Variants in IL1RAPL1 observed in about 807,000 individuals in gnomAD.
IL1RAPL1 encodes interleukin-1 receptor accessory protein-like 1.
In IL1RAPL1, 3 loss-of-function variants were observed where a neutral mutation model predicts 48.4. The ratio of observed to expected loss-of-function variants is 0.06; its 90% CI spans 0.03 to 0.16. The LOEUF is 0.16. Among genes scored for constraint, IL1RAPL1 ranks in the 10% least tolerant of loss-of-function variants. IL1RAPL1 has a pLI of 1.00. For missense variants in IL1RAPL1, 349 were observed against 530.6 expected (o/e 0.66, Z 3.36); for synonymous variants, 185 against 187.7 (o/e 0.99, Z 0.12).
chrX:29,668,962 G>T (rs980806413), intron 6 of IL1RAPL1, among the ~76,000 whole-genome samples: 4 of 111,661 alleles, frequency 3.6e-5, no homozygotes, highest in Non-Finnish European at 7.5e-5. Flanking sequence ...TATAAATTTT[G>T]CTAGTTATAT....
intron 2 of IL1RAPL1, among the ~76,000 whole-genome samples, chrX:29,122,409 T>TCTCTCTCACACA (rs60632925): frequency 1.5e-5 from 1 of 64,569 alleles, no homozygotes; most frequent in African/African-American, 7.8e-5. Context: ...TCTCTCTCTC[T>TCTCTCTCACACA]CACACACACA....
At chrX:29,004,439 A>G (rs1411327839) in intron 2 of IL1RAPL1, among the ~76,000 whole-genome samples, 1 of 111,880 alleles carries the variant, frequency 8.9e-6, no homozygotes, top group African/African-American at 3.3e-5. Flanking sequence ...TGTCTCTTAC[A>G]CTGAGTTTAT....
chrX:28,763,470 C>T (rs1936199478), intron 1 of IL1RAPL1, among the ~76,000 whole-genome samples: 1 of 111,828 alleles, frequency 8.9e-6, no homozygotes, highest in African/African-American at 3.3e-5. Context: ...GCTATGAATA[C>T]ATAGAGTCAC....
At chrX:29,774,505 A>T (rs1346292947) in intron 6 of IL1RAPL1, among the ~76,000 whole-genome samples, 1 of 112,347 alleles carries the variant, frequency 8.9e-6, no homozygotes, top group Admixed American at 9.5e-5. Context: ...ATACACGAAT[A>T]TCATGTTAAC....
At chrX:28,967,186 A>G (rs1369605674) in intron 2 of IL1RAPL1, among the ~76,000 whole-genome samples, 3 of 111,671 alleles carry the variant, frequency 2.7e-5, no homozygotes, top group Non-Finnish European at 5.6e-5. Context: ...TCTACCAAAG[A>G]CAAGGCTCCC....
chrX:29,744,237 T>C (rs1381235372), intron 6 of IL1RAPL1, among the ~76,000 whole-genome samples: 1 of 112,169 alleles, frequency 8.9e-6, no homozygotes, highest in Non-Finnish European at 1.9e-5. Context: ...AGGAGTGCTA[T>C]TGTTTCTTTT....
chrX:29,178,833 C>T (rs1470309988), intron 2 of IL1RAPL1, among the ~76,000 whole-genome samples: 1 of 111,930 alleles, frequency 8.9e-6, no homozygotes, highest in Non-Finnish European at 1.9e-5. Context: ...GTTTTCCCAG[C>T]ACCATTTATT....
intron 6 of IL1RAPL1, among the ~76,000 whole-genome samples, chrX:29,831,860 C>T (rs1274679228): frequency 9.0e-6 from 1 of 111,365 alleles, no homozygotes; most frequent in East Asian, 2.8e-4. Context: ...CCATTATGTC[C>T]CAATATGCAT....
chrX:29,682,966 G>C (rs1926502035), intron 6 of IL1RAPL1, among the ~76,000 whole-genome samples: 2 of 112,007 alleles, frequency 1.8e-5, no homozygotes, highest in South Asian at 3.7e-4. Context: ...GGATATTGAA[G>C]GTCACAACAG....
At position 28,881,224 on chromosome X, in the gene IL1RAPL1, G is replaced by C. The variant is rs73452879; in HGVS notation, c.82+91799G>C. 2.8e-3 allele frequency among the ~76,000 whole-genome samples: 312 copies of C among 111,664 alleles called. 1 individual carries two copies. The highest frequency in any genetic ancestry group is 9.9e-3 in the African/African-American group (304 of 30,746). On this transcript the variant is annotated intron_variant, in intron 2 of 10. Transcript: ENST00000378993. ...TTCCACTCTACTAATTTTGTGTTTT[G>C]CTTTTGGTTTGTTTTCAGCCAGTAA...
intron 1 of IL1RAPL1, among the ~76,000 whole-genome samples, chrX:28,768,755 C>CTCTATATATATATATATA (rs1364972830): frequency 2.9e-5 from 1 of 34,875 alleles, no homozygotes; most frequent in Non-Finnish European, 4.8e-5. Flanking sequence ...CTCTCTCTCT[C>CTCTATATATATATATATA]TATATATATA....
chrX:29,333,304 C>T (rs1423575262), intron 3 of IL1RAPL1, among the ~76,000 whole-genome samples: 7 of 105,691 alleles, frequency 6.6e-5, no homozygotes, highest in East Asian at 3.0e-4. Context: ...TCCTCCCGGA[C>T]GGGGCGGTTG....
chrX:29,680,621 T>C (rs1470313439), intron 6 of IL1RAPL1, among the ~76,000 whole-genome samples: 1 of 111,854 alleles, frequency 8.9e-6, no homozygotes, highest in Non-Finnish European at 1.9e-5. Flanking sequence ...ATGGTTATTA[T>C]GGAGTCCATC....
chrX:29,529,149 A>C (rs1016927779), intron 5 of IL1RAPL1, among the ~76,000 whole-genome samples: 1 of 111,920 alleles, frequency 8.9e-6, no homozygotes, highest in African/African-American at 3.3e-5. Flanking sequence ...ATATAGAAAT[A>C]ATGAGAAGGG....
At chrX:29,312,469 C>T (rs1388121372) in intron 3 of IL1RAPL1, among the ~76,000 whole-genome samples, 1 of 111,114 alleles carries the variant, frequency 9.0e-6, no homozygotes, top group Non-Finnish European at 1.9e-5. Context: ...TCTCTTATTC[C>T]CCTCCCCAGG....
chrX:29,155,617 G>C (rs1159077914), intron 2 of IL1RAPL1, among the ~76,000 whole-genome samples: 1 of 111,584 alleles, frequency 9.0e-6, no homozygotes, highest in African/African-American at 3.3e-5. Context: ...AGAAAATTGC[G>C]GAGATTCTTA....
chrX:28,681,057 G>T (rs905882988), intron 1 of IL1RAPL1, among the ~76,000 whole-genome samples: 1 of 111,501 alleles, frequency 9.0e-6, no homozygotes, highest in Non-Finnish European at 1.9e-5. Context: ...TTCTGTTGTT[G>T]TTGGAAGGTT....
intron 3 of IL1RAPL1, among the ~76,000 whole-genome samples, chrX:29,320,626 A>T (rs1016438040): frequency 9.1e-6 from 1 of 109,952 alleles, no homozygotes; most frequent in Non-Finnish European, 1.9e-5. Context: ...AATACAAAAA[A>T]ATTACCCGGG....
chrX:29,620,439 AATG>A (rs1924425898), intron 5 of IL1RAPL1, among the ~76,000 whole-genome samples: 1 of 111,938 alleles, frequency 8.9e-6, no homozygotes, highest in African/African-American at 3.2e-5. Context: ...GATGTAATAC[AATG>A]ATATTTGTGT....
Sources: gnomAD v4.1 joint callset for allele counts (sites outside exome capture counted in the v4.1 genomes callset) on GRCh38, gnomAD v4.1.1 for gene constraint, MANE v1.5 for transcripts, NCBI Gene and HGNC (gene_info 2026-07-23, HGNC 2026-07-21) for gene names.